Variants in DMD observed in about 807,000 individuals in gnomAD.
DMD encodes the protein dystrophin.
Under a neutral mutation model 330.1 loss-of-function variants are expected in DMD, and 63 were observed. That is an observed-to-expected ratio of 0.19 (90% CI 0.16 to 0.24). DMD has a LOEUF of 0.24. Ranked by LOEUF, DMD falls within the 10% of genes least tolerant of loss-of-function variation. DMD has a pLI of 1.00. For missense variants in DMD, 3,344 were observed against 2,684.1 expected, an observed-to-expected ratio of 1.25 and a Z score of -5.43; for synonymous variants, 1,223 against 959.8, an observed-to-expected ratio of 1.27 and a Z score of -5.07.
intron 44 of DMD, among the ~76,000 whole-genome samples, chrX:32,167,981 A>G (rs1243176554): frequency 8.9e-6 from 1 of 112,714 alleles, no homozygotes; most frequent in Non-Finnish European, 1.9e-5. Flanking sequence ...TTCATTAAAA[A>G]GAAAAGAAAA....
In DMD at chrX:33,316,925, C is replaced by T. The variant is rs537314762; in HGVS notation, c.7+22334G>A. On this transcript the variant is annotated intron_variant, in intron 1 of 17. Coordinates refer to the DMD transcript ENST00000288447. ...ATTTTGTAATTTTCAGGATATATATCTCATATATATATTGTTAATATCTTA... is the reference window on the plus strand; with the variant it reads ...ATTTTGTAATTTTCAGGATATATATTTCATATATATATTGTTAATATCTTA... 1.9e-3 allele frequency among the ~76,000 whole-genome samples: 209 copies of T among 110,667 alleles called. 1 individual carries two copies. Among genetic ancestry groups the T allele is most frequent in the Non-Finnish European group, 3.3e-3 (172 of 52,789 alleles).
intron 50 of DMD, among the ~76,000 whole-genome samples, chrX:31,805,161 G>A (rs1354444226): frequency 1.8e-5 from 2 of 111,843 alleles, no homozygotes; most frequent in East Asian, 2.8e-4. Flanking sequence ...GTCAAATAGT[G>A]TACTGGAAAA....
At chrX:32,207,049 A>G (rs193223690) in intron 44 of DMD, among the ~76,000 whole-genome samples, 3 of 112,057 alleles carry the variant, frequency 2.7e-5, no homozygotes, top group Non-Finnish European at 3.8e-5. Context: ...ATTTTAATAA[A>G]GTAAAAAAAA....
At chrX:31,798,244 A>G (rs754194080) in intron 50 of DMD, among the ~76,000 whole-genome samples, 2 of 111,329 alleles carry the variant, frequency 1.8e-5, no homozygotes, top group African/African-American at 6.5e-5. Flanking sequence ...TGTGAGCATA[A>G]ATTTACCCAG....
intron 2 of DMD, among the ~76,000 whole-genome samples, chrX:32,973,731 G>A (rs55790705): frequency 0.088 from 9,827 of 111,282 alleles, 462 homozygotes; most frequent in African/African-American, 0.18. Flanking sequence ...CAGCATCCAC[G>A]GCATAATAAA....
chrX:31,869,855 C>G (rs1293621276), intron 48 of DMD, among the ~76,000 whole-genome samples: 1 of 111,651 alleles, frequency 9.0e-6, no homozygotes, highest in Non-Finnish European at 1.9e-5. Context: ...CATCCTCACT[C>G]TACCATCTGA....
intron 7 of DMD, among the ~76,000 whole-genome samples, chrX:32,708,309 T>A (rs1414448290): frequency 1.9e-4 from 20 of 104,171 alleles, no homozygotes; most frequent in African/African-American, 7.2e-4. Flanking sequence ...GAAAAAAATA[T>A]GGTAAAAATG....
chrX:33,096,718 C>A (rs113133433), intron 1 of DMD, among the ~76,000 whole-genome samples: 2,862 of 111,247 alleles, frequency 0.026, 85 homozygotes, highest in African/African-American at 0.089. Context: ...GTGGGCCAGG[C>A]TGGTCTCGAA....
chrX:31,187,680 C>A lies in DMD; in HGVS notation c.9808-4776G>T, dbSNP rs189409737. Among the ~76,000 whole-genome samples the A allele has an allele frequency of 4.1e-5, 4 of 96,920 alleles. No individual in the cohort carries two copies. In the East Asian group the frequency reaches 1.4e-3, roughly 34 times the overall value. 84.2% of individuals were successfully genotyped at this position (96,920 alleles called of 115,157 possible). On this transcript the variant is annotated intron_variant, in intron 67 of 78. Coordinates refer to ENST00000357033, the MANE Select transcript of DMD (RefSeq NM_004006.3). The stretch of plus-strand genomic sequence containing the variant: ...AAAGCTGAGAAGGTCATCAGTAAAG[C>A]AACATGTTAATCAGCTCTGGAATCT...
chrX:31,542,845 G>A (rs1462743836), intron 55 of DMD, among the ~76,000 whole-genome samples: 2 of 112,952 alleles, frequency 1.8e-5, no homozygotes, highest in Non-Finnish European at 3.7e-5. Context: ...GCAGTGCTGC[G>A]GGGCCACTGC....
intron 52 of DMD, among the ~76,000 whole-genome samples, chrX:31,728,061 C>T (rs759467025): frequency 8.9e-6 from 1 of 112,579 alleles, no homozygotes; most frequent in Non-Finnish European, 1.9e-5. Context: ...CTCGCTCTGT[C>T]GCCCAGGCTG....
At chrX:33,277,723 A>G (rs16990969) in intron 1 of DMD, among the ~76,000 whole-genome samples, 3,548 of 111,291 alleles carry the variant, frequency 0.032, 137 homozygotes, top group African/African-American at 0.11. Flanking sequence ...TGCTATATCT[A>G]TGGATCCAGC....
At chrX:31,843,471 G>A (rs1358564333) in intron 48 of DMD, among the ~76,000 whole-genome samples, 2 of 112,095 alleles carry the variant, frequency 1.8e-5, no homozygotes, top group Non-Finnish European at 3.8e-5. Context: ...GATGAGTGAT[G>A]TGGAGCATTT....
chrX:32,686,156 ATAT>A (rs1363227131), intron 9 of DMD, among the ~76,000 whole-genome samples: 6 of 111,749 alleles, frequency 5.4e-5, no homozygotes, highest in African/African-American at 1.6e-4. Context: ...TTTTTCACTG[ATAT>A]TATTTGTAGA....
Position 32,114,829 on chromosome X carries a change from T to A in DMD, c.6438+102087A>T, listed in dbSNP as rs761276195. Among the ~76,000 whole-genome samples, 4 of 112,642 alleles carry A rather than the reference T, an allele frequency of 3.6e-5. No homozygotes were observed. The East Asian group carries it at 8.4e-4, about 24-fold the overall frequency. ...TTTAATTAGTGCATGAGCAGCAGTA[T>A]CTGCACAGTGAAAGCCACTGTCTGT... On this transcript the variant is annotated intron_variant, in intron 44 of 78. Coordinates refer to ENST00000357033, the MANE Select transcript of DMD (RefSeq NM_004006.3).
At chrX:31,836,368 T>G (rs760869347) in intron 49 of DMD, among the ~76,000 whole-genome samples, 1 of 112,071 alleles carries the variant, frequency 8.9e-6, no homozygotes, top group Non-Finnish European at 1.9e-5. Context: ...GTAGCTTGAT[T>G]TGAATTAAAC....
intron 4 of DMD, among the ~76,000 whole-genome samples, chrX:32,834,738 G>A (rs1181616514): frequency 9.0e-6 from 1 of 111,578 alleles, no homozygotes; most frequent in Non-Finnish European, 1.9e-5. Flanking sequence ...CAATTGATGA[G>A]CTGGTACAAT....
At chrX:32,547,527 CTG>C (rs2049096135) in intron 16 of DMD, among the ~76,000 whole-genome samples, 1 of 110,745 alleles carries the variant, frequency 9.0e-6, no homozygotes, top group African/African-American at 3.3e-5. Context: ...AATAAGAAAA[CTG>C]TGCATTCACC....
chrX:31,937,583 G>C lies in DMD; in HGVS notation c.6615-5356C>G, dbSNP rs764070275. On this transcript the variant is annotated intron_variant, in intron 45 of 78. Coordinates refer to ENST00000357033, the MANE Select transcript of DMD (RefSeq NM_004006.3). ...CTTGTTATAATCTGCTTTTCCAAGC[G>C]CATGTGTTTTCTGAAATTTCAAAAG... Among the ~76,000 whole-genome samples, 3 of 111,677 alleles carry C rather than the reference G, an allele frequency of 2.7e-5. No individual in the cohort carries two copies. The South Asian group carries it at 1.1e-3, about 42-fold the overall frequency.
Sources: gnomAD v4.1 joint callset for allele counts (sites outside exome capture counted in the v4.1 genomes callset) on GRCh38, gnomAD v4.1.1 for gene constraint, MANE v1.5 for transcripts, NCBI Gene and HGNC (gene_info 2026-07-23, HGNC 2026-07-21) for gene names.